Variants in TANC2 observed in about 807,000 individuals in gnomAD.
TANC2 encodes tetratricopeptide repeat, ankyrin repeat and coiled-coil containing 2, also known as protein TANC2.
TANC2 carries 26 observed loss-of-function variants against 210.5 expected under a neutral mutation model. That is an observed-to-expected ratio of 0.12 (90% CI 0.09 to 0.17). The LOEUF (loss-of-function observed/expected upper bound fraction) is 0.17, where lower values mean the gene tolerates loss of function less well. TANC2 is among the 10% of genes least tolerant of loss of function. The probability of loss-of-function intolerance (pLI) is 1.00; values close to 1 mark genes in which losing one functional copy is unlikely to be tolerated. For missense variants in TANC2, 2,129 were observed against 2,608.9 expected (o/e 0.82, Z 4.01); for synonymous variants, 931 against 967.1 (o/e 0.96, Z 0.69).
chr17:63,092,576 T>C (rs1393452640), intron 3 of TANC2, among the ~76,000 whole-genome samples: 3 of 152,006 alleles, frequency 2.0e-5, no homozygotes, highest in Non-Finnish European at 4.4e-5. Context: ...ACAGGAATCA[T>C]GGTGCTGGCA....
chr17:63,355,482 A>C, intron 14 of TANC2, 92 bp downstream of exon 14: 1 of 1,321,534 alleles, frequency 7.6e-7, no homozygotes, highest in African/African-American at 1.5e-5. Flanking sequence ...TTCTTCATTG[A>C]ACATTTCACA....
At chr17:63,029,192 G>A (rs1292723575) in intron 2 of TANC2, among the ~76,000 whole-genome samples, 1 of 152,036 alleles carries the variant, frequency 6.6e-6, no homozygotes, top group Non-Finnish European at 1.5e-5. Context: ...CTTGAAATGT[G>A]TATAAAAATT....
intron 4 of TANC2, among the ~76,000 whole-genome samples, chr17:63,126,263 AAATC>A (rs1236789434): frequency 6.6e-6 from 1 of 152,244 alleles, no homozygotes; most frequent in Non-Finnish European, 1.5e-5. Context: ...TTTACTGAAT[AAATC>A]AATAAAACAT....
rs1200034839 is a variant in TANC2, at chr17:62,966,309, G to T, written c.-464G>T. On this transcript the variant is annotated 5_prime_UTR_variant, in exon 1 of 28. Transcript: ENST00000689528. The surrounding 1 kb of genome is among the most constrained non-coding windows in gnomAD (Gnocchi z 5.1). The stretch of plus-strand genomic sequence containing the variant: ...TCCGGCGGGGCCCGCTGGCACAGCC[G>T]CCTCGCGCGAGCCGCCCGCCCGGCG... 1.4e-5 allele frequency among the ~76,000 whole-genome samples: 2 copies of T among 146,336 alleles called. No individual in the cohort carries two copies. The highest frequency in any genetic ancestry group is 3.0e-5 in the Non-Finnish European group (2 of 65,830).
At chr17:63,008,998 G>A (rs1598240931) in intron 1 of TANC2, among the ~76,000 whole-genome samples, 2 of 151,960 alleles carry the variant, frequency 1.3e-5, no homozygotes, top group African/African-American at 4.8e-5. Flanking sequence ...TTATTTCTTA[G>A]GGTGGTCAAA....
chr17:63,214,569 A>G (rs142663110), intron 7 of TANC2, among the ~76,000 whole-genome samples: 2 of 152,312 alleles, frequency 1.3e-5, no homozygotes, highest in African/African-American at 4.8e-5. Flanking sequence ...AGCAGATTTG[A>G]TATCTGGTGA....
intron 5 of TANC2, among the ~76,000 whole-genome samples, chr17:63,185,203 G>T (rs1303899909): frequency 1.3e-5 from 2 of 151,994 alleles, no homozygotes; most frequent in Non-Finnish European, 2.9e-5. Flanking sequence ...GTTTTGCCGT[G>T]TCACCCAGGC....
At position 63,368,788 on chromosome 17, in the gene TANC2, A is replaced by G. The variant is rs553808701; in HGVS notation, c.2583-10930A>G. 5.3e-5 allele frequency among the ~76,000 whole-genome samples: 8 copies of G among 152,356 alleles called. No homozygotes were observed. In the South Asian group the frequency reaches 1.2e-3, roughly 24 times the overall value. ...AGTAGAGACCACTACCATAGACTCA[A>G]CTTCCCAAAATTTTAGCAATGAAGG... On this transcript the variant is annotated intron_variant, in intron 14 of 27. Transcript: ENST00000689528.
intron 1 of TANC2, among the ~76,000 whole-genome samples, chr17:62,971,091 A>C (rs2031666120): frequency 1.3e-5 from 2 of 152,172 alleles, no homozygotes; most frequent in Admixed American, 1.3e-4. Context: ...ACTTCGTTGT[A>C]ATACCGTGAG....
chr17:63,108,474 TCTTATA>T (rs899470893), intron 4 of TANC2, among the ~76,000 whole-genome samples: 1 of 151,776 alleles, frequency 6.6e-6, no homozygotes, highest in Non-Finnish European at 1.5e-5. Context: ...ACATAAGATT[TCTTATA>T]CTTGTATTGT....
intron 4 of TANC2, among the ~76,000 whole-genome samples, chr17:63,106,916 G>A (rs575229511): frequency 6.6e-6 from 1 of 151,544 alleles, no homozygotes; most frequent in Non-Finnish European, 1.5e-5. Context: ...TGTAGTAAGT[G>A]TAGTATTACT....
At chr17:63,227,687 T>G (rs1252981900) in intron 7 of TANC2, among the ~76,000 whole-genome samples, 1 of 152,182 alleles carries the variant, frequency 6.6e-6, no homozygotes, top group Non-Finnish European at 1.5e-5. Flanking sequence ...TACCCATGCC[T>G]ATGTCTTGAA....
chr17:62,979,681 T>C (rs1598180014), intron 1 of TANC2, among the ~76,000 whole-genome samples: 1 of 151,968 alleles, frequency 6.6e-6, no homozygotes, highest in Non-Finnish European at 1.5e-5. Flanking sequence ...GAGGCTGAGG[T>C]GGGAGGATTG....
chr17:63,004,886 A>T, intron 1 of TANC2: 2 of 312,646 alleles, frequency 6.4e-6, no homozygotes, highest in Non-Finnish European at 1.2e-5. Context: ...AACCTTGTGG[A>T]TTTTCTCTGT....
intron 7 of TANC2, among the ~76,000 whole-genome samples, chr17:63,231,649 C>A (rs1436110630): frequency 6.6e-6 from 1 of 152,088 alleles, no homozygotes; most frequent in Non-Finnish European, 1.5e-5. Flanking sequence ...GATGGGTTTC[C>A]CTTTATAGGT....
chr17:63,375,955 G>A (rs751059620), intron 14 of TANC2, among the ~76,000 whole-genome samples: 1 of 151,992 alleles, frequency 6.6e-6, no homozygotes, highest in Non-Finnish European at 1.5e-5. Flanking sequence ...TGGGCATGGT[G>A]GCACATGCCT....
At chr17:63,315,913 A>C (rs554289438) in intron 10 of TANC2, among the ~76,000 whole-genome samples, 1 of 152,338 alleles carries the variant, frequency 6.6e-6, no homozygotes, top group South Asian at 2.1e-4. Flanking sequence ...GTATGGAAGA[A>C]TTCTTTTCTT....
chr17:63,215,910 C>T (rs1384028854), intron 7 of TANC2, among the ~76,000 whole-genome samples: 1 of 151,968 alleles, frequency 6.6e-6, no homozygotes, highest in Non-Finnish European at 1.5e-5. Context: ...CCACCACGCC[C>T]AGCTAATTTT....
At chr17:63,371,853 G>A (rs2047278742) in intron 14 of TANC2, among the ~76,000 whole-genome samples, 1 of 152,186 alleles carries the variant, frequency 6.6e-6, no homozygotes, top group Non-Finnish European at 1.5e-5. Context: ...TTGAGGTACA[G>A]GATCATCAAG....
Sources: gnomAD v4.1 joint callset for allele counts (sites outside exome capture counted in the v4.1 genomes callset) on GRCh38, gnomAD v4.1.1 for gene constraint, Gnocchi (gnomAD v3.1) non-coding constraint, MANE v1.5 for transcripts, NCBI Gene and HGNC (gene_info 2026-07-23, HGNC 2026-07-21) for gene names.